HELZ: variants seen among roughly 807,000 people sequenced by gnomAD.
HELZ encodes helicase with zinc finger, also known as ATP-dependent RNA helicase with zinc finger domain.
HELZ carries 23 observed loss-of-function variants against 218.2 expected under a neutral mutation model. The ratio of observed to expected loss-of-function variants is 0.11; its 90% CI spans 0.08 to 0.15. The LOEUF (loss-of-function observed/expected upper bound fraction) is 0.15, where lower values mean the gene tolerates loss of function less well. Among genes scored for constraint, HELZ ranks in the 10% least tolerant of loss-of-function variants. HELZ has a pLI of 1.00. For missense variants in HELZ, 1,813 were observed against 2,353.7 expected (o/e 0.77, Z 4.75); for synonymous variants, 814 against 829.4 (o/e 0.98, Z 0.32).
intron 31 of HELZ, among the ~76,000 whole-genome samples, chr17:67,104,188 A>G (rs2037018170): frequency 6.6e-6 from 1 of 152,130 alleles, no homozygotes; most frequent in Non-Finnish European, 1.5e-5. Flanking sequence ...TAATCCCAGC[A>G]CTTTGGGAGG....
chr17:67,229,444 T>A (rs1244711931), intron 3 of HELZ, among the ~76,000 whole-genome samples: 1 of 152,206 alleles, frequency 6.6e-6, no homozygotes, highest in Non-Finnish European at 1.5e-5. Context: ...TTACTTCCTA[T>A]AGAATTAATT....
chr17:67,106,255 GA>G (rs949820404), intron 31 of HELZ, among the ~76,000 whole-genome samples: 1 of 146,078 alleles, frequency 6.8e-6, no homozygotes, highest in East Asian at 1.9e-4. Flanking sequence ...TTTTTCATAG[GA>G]AAAAAAAGTC....
chr17:67,226,280 G>GA (rs893091143), intron 3 of HELZ, among the ~76,000 whole-genome samples: 27 of 135,066 alleles, frequency 2.0e-4, no homozygotes, highest in South Asian at 4.7e-4. Context: ...AAGAAAAAAG[G>GA]AAAAAAAAAA....
rs1266524765 is a variant in HELZ, at chr17:67,109,399, G to C, written c.4206C>G (p.Val1402=). Residue 1402 remains valine (V), a synonymous_variant, in exon 29 of 33, where the codon GTC becomes GTG. Coordinates refer to ENST00000358691, the MANE Select transcript of HELZ (RefSeq NM_014877.4). The part of the protein sequence containing the change: ...NQIPPQPNQV[V]QQQSQLNQQP... The stretch of plus-strand genomic sequence containing the variant: ...GCTGATTCAACTGACTTTGCTGCTG[G>C]ACTACCTGATTTGGCTGAGGTGGTA... The C allele has an allele frequency of 6.2e-7, 1 of 1,614,192 alleles. No homozygotes were observed.
chr17:67,214,668 C>T (rs559816741), intron 5 of HELZ, among the ~76,000 whole-genome samples: 1 of 152,024 alleles, frequency 6.6e-6, no homozygotes, highest in East Asian at 1.9e-4. Context: ...TCTGGATGAA[C>T]AAAACACTGT....
chr17:67,088,183 G>A (rs182797387), intron 31 of HELZ, among the ~76,000 whole-genome samples: 116 of 152,294 alleles, frequency 7.6e-4, no homozygotes, highest in Non-Finnish European at 9.4e-4. Context: ...TCCACGTTCC[G>A]TCTCAAATGA....
chr17:67,118,746 C>A, intron 27 of HELZ, among the ~76,000 whole-genome samples: 1 of 117,670 alleles, frequency 8.5e-6, no homozygotes, highest in East Asian at 2.8e-4. Context: ...AAAATATTTT[C>A]TAAATATATA....
intron 31 of HELZ, among the ~76,000 whole-genome samples, chr17:67,096,295 AG>A (rs1320060832): frequency 6.6e-6 from 1 of 152,216 alleles, no homozygotes; most frequent in Non-Finnish European, 1.5e-5. Flanking sequence ...TCAAAGCCTT[AG>A]GATTTTTGGA....
In HELZ at chr17:67,203,306, C is replaced by T. The variant is rs145998789; in HGVS notation, c.372+13G>A. The stretch of plus-strand genomic sequence containing the variant: ...TGTTTTCAGGCATACAAAATTAGAG[C>T]TTATCAACATACCAGGGACTCTCCT... On this transcript the variant is annotated intron_variant, in intron 6 of 32. Transcript: ENST00000358691. 4 of 1,612,890 alleles carry T rather than the reference C, an allele frequency of 2.5e-6. No individual in the cohort carries two copies. Among genetic ancestry groups the T allele is most frequent in the Non-Finnish European group, 3.4e-6 (4 of 1,179,444 alleles).
chr17:67,231,802 T>C (rs57070277), intron 3 of HELZ, among the ~76,000 whole-genome samples: 14,125 of 151,516 alleles, frequency 0.093, 1,752 homozygotes, highest in African/African-American at 0.28. Flanking sequence ...CCTGTAATCC[T>C]AGCACTTTGG....
At position 67,108,379 on chromosome 17, in the gene HELZ, G is replaced by T; in HGVS notation, c.4724+113C>A. 2.7e-6 allele frequency: 2 copies of T among 753,898 alleles called. No homozygotes were observed. The highest frequency in any genetic ancestry group is 4.5e-6 in the Non-Finnish European group (2 of 445,800). 46.7% of individuals were successfully genotyped at this position (753,898 alleles called of 1,614,324 possible). A position where few individuals can be genotyped will look rare whatever the true frequency, so the allele number is the denominator to read the frequency against. Reference sequence around the variant, plus strand: ...TGTGTAGCGTGTGCTTGGAAGGCCAGCATCCAATTTCTCTGAGGCAATATT... The same window carrying T: ...TGTGTAGCGTGTGCTTGGAAGGCCATCATCCAATTTCTCTGAGGCAATATT... On this transcript the variant is annotated intron_variant, in intron 30 of 32. Transcript: ENST00000358691. The surrounding 1 kb of genome is among the most constrained non-coding windows in gnomAD (Gnocchi z 4.1).
In HELZ at chr17:67,076,754, A is replaced by T. The variant is rs2143499909; in HGVS notation, c.*1498T>A. On this transcript the variant is annotated 3_prime_UTR_variant, in exon 33 of 33. Coordinates refer to ENST00000358691, the MANE Select transcript of HELZ (RefSeq NM_014877.4). ...AACCTGATTTTAAAAATGTACTTTGATTATAGGATTGCCTATCGAAAGTGG... is the reference window on the plus strand; with the variant it reads ...AACCTGATTTTAAAAATGTACTTTGTTTATAGGATTGCCTATCGAAAGTGG... 1 of 152,312 alleles carries T rather than the reference A, an allele frequency of 6.6e-6. No homozygotes were observed. Among genetic ancestry groups the T allele is most frequent in the South Asian group, 2.1e-4 (1 of 4,826 alleles). 9.4% of individuals were successfully genotyped at this position (152,312 alleles called of 1,614,324 possible). A position where few individuals can be genotyped will look rare whatever the true frequency, so the allele number is the denominator to read the frequency against.
rs575055004 is a variant in HELZ, at chr17:67,147,442, C to T, written c.2621+1127G>A. Among the ~76,000 whole-genome samples, 27 of 152,168 alleles carry T rather than the reference C, an allele frequency of 1.8e-4. No individual in the cohort carries two copies. The East Asian group carries it at 3.9e-3, about 22-fold the overall frequency. ...CCTTCTCCTGCCTTCCTTTCACCTG[C>T]CCCAAAGCAGGACTCTAATCTTCCC... On this transcript the variant is annotated intron_variant, in intron 20 of 32. Transcript: ENST00000358691.
intron 31 of HELZ, among the ~76,000 whole-genome samples, chr17:67,104,015 G>A (rs2037012441): frequency 6.6e-6 from 1 of 152,178 alleles, no homozygotes; most frequent in Non-Finnish European, 1.5e-5. Flanking sequence ...TTCAAAAGCG[G>A]TGCTGAGAAA....
chr17:67,096,966 T>G (rs756914143), intron 31 of HELZ, among the ~76,000 whole-genome samples: 1 of 152,238 alleles, frequency 6.6e-6, no homozygotes, highest in Non-Finnish European at 1.5e-5. Context: ...CATGCCATTT[T>G]CACTAAGCTT....
Position 67,145,696 on chromosome 17 carries a change from G to A in HELZ, c.2769+47C>T, listed in dbSNP as rs557737474. 1.6e-4 allele frequency: 243 copies of A among 1,478,604 alleles called. 2 individuals carry two copies. The East Asian group carries it at 5.2e-3, about 32-fold the overall frequency. The allele number at this position is 1,478,604 out of a possible 1,614,324, so 91.6% of individuals were successfully genotyped here. On this transcript the variant is annotated intron_variant, in intron 21 of 32. Coordinates refer to ENST00000358691, the MANE Select transcript of HELZ (RefSeq NM_014877.4). ...AAATAAATGCTTAACAAAACTAGAC[G>A]ATGTGACTGAGAAAATGTTAACAAT...
intron 21 of HELZ, 124 bp downstream of exon 21, chr17:67,145,619 T>A (rs967300387): frequency 8.9e-6 from 6 of 676,806 alleles, no homozygotes; most frequent in Non-Finnish European, 1.5e-5. Context: ...CTTTACATAC[T>A]ATTTACATGT....
At position 67,136,210 on chromosome 17, in the gene HELZ, AT is replaced by A. The variant is rs1567830880; in HGVS notation, c.2954-13del. ...TCTGAATTGCTTTCCTACAAAGAAA[AT>A]TTTTTAAGAAAAGACTTAAGATTGT... On this transcript the variant is annotated splice_polypyrimidine_tract_variant and intron_variant, in intron 22 of 32. Transcript: ENST00000358691. 1.3e-6 allele frequency: 2 copies of A among 1,563,018 alleles called. No homozygotes were observed. Among genetic ancestry groups the A allele is most frequent in the Non-Finnish European group, 8.7e-7 (1 of 1,144,198 alleles).
chr17:67,191,877 ATCT>A (rs2039906372), intron 9 of HELZ, among the ~76,000 whole-genome samples: 1 of 151,978 alleles, frequency 6.6e-6, no homozygotes, highest in Admixed American at 6.6e-5. Context: ...TTGATAAAAG[ATCT>A]TCTGAGAAAA....
Sources: gnomAD v4.1 joint callset for allele counts (sites outside exome capture counted in the v4.1 genomes callset) on GRCh38, gnomAD v4.1.1 for gene constraint, Gnocchi (gnomAD v3.1) non-coding constraint, MANE v1.5 for transcripts, NCBI Gene and HGNC (gene_info 2026-07-23, HGNC 2026-07-21) for gene names.